The following DISC1 variants were observed in gnomAD, a reference collection of about 807,000 sequenced individuals.
The protein encoded by DISC1 is DISC1 scaffold protein, also known as disrupted in schizophrenia 1 protein.
A neutral mutation model predicts 84.5 loss-of-function variants in DISC1; 57 were observed. The ratio of observed to expected loss-of-function variants is 0.67; its 90% CI spans 0.55 to 0.84. The LOEUF is 0.84. Ranked by LOEUF, DISC1 falls within the 40% of genes least tolerant of loss-of-function variation. The pLI, the probability that DISC1 is intolerant of heterozygous loss-of-function variation, is 0.00. For synonymous variants in DISC1, 411 were observed against 415.2 expected, an observed-to-expected ratio of 0.99 and a Z score of 0.12; for missense variants, 1,000 against 1,057.8, an observed-to-expected ratio of 0.95 and a Z score of 0.76.
At chr1:231,996,699 C>T (rs1468985802) in intron 10 of DISC1, among the ~76,000 whole-genome samples, 5 of 152,126 alleles carry the variant, frequency 3.3e-5, no homozygotes, top group Non-Finnish European at 5.9e-5. Flanking sequence ...CATAGAAAAA[C>T]ACTAACATGC....
intron 9 of DISC1, among the ~76,000 whole-genome samples, chr1:231,907,518 A>T (rs2088832778): frequency 6.6e-6 from 1 of 152,028 alleles, no homozygotes; most frequent in Non-Finnish European, 1.5e-5. Flanking sequence ...ATCCTTTTTT[A>T]TGGCTGCATA....
At chr1:231,768,901 TG>T (rs2076356378) in intron 5 of DISC1, among the ~76,000 whole-genome samples, 3 of 152,162 alleles carry the variant, frequency 2.0e-5, no homozygotes, top group Admixed American at 6.5e-5. Context: ...GAGTAGGCCT[TG>T]CAGAAATTTC....
intron 3 of DISC1, chr1:231,723,745 A>T: frequency 1.0e-6 from 1 of 985,438 alleles, no homozygotes; most frequent in Non-Finnish European, 1.2e-6. Context: ...AGACTTCTGC[A>T]GCCACTGGGA....
rs187266358 is a variant in DISC1, at chr1:231,630,270, T to A, written c.67+3336T>A. Among the ~76,000 whole-genome samples the A allele has an allele frequency of 6.6e-6, 1 of 152,186 alleles. No homozygotes were observed. The highest frequency in any genetic ancestry group is 1.9e-4 in the East Asian group (1 of 5,174). On this transcript the variant is annotated intron_variant, in intron 1 of 12. Coordinates refer to ENST00000439617, the MANE Select transcript of DISC1 (RefSeq NM_018662.3). The surrounding 1 kb of genome is among the most constrained non-coding windows in gnomAD (Gnocchi z 4.4). ...AAGACCAGCACACAAAGTTTCTGAG[T>A]ACAAAAAAAGGTAATATTTTAGGTT... is the stretch of plus-strand genomic sequence containing the variant.
At chr1:231,650,754 T>C (rs2125281006) in intron 1 of DISC1, among the ~76,000 whole-genome samples, 1 of 152,318 alleles carries the variant, frequency 6.6e-6, no homozygotes, top group South Asian at 2.1e-4. Context: ...GGAGGCTTTA[T>C]TTGTTTCTTT....
intron 4 of DISC1, among the ~76,000 whole-genome samples, chr1:231,751,862 C>G (rs1404540135): frequency 6.6e-6 from 1 of 152,212 alleles, no homozygotes; most frequent in Non-Finnish European, 1.5e-5. Context: ...TTTGCTCATT[C>G]ATTCATTAAA....
At chr1:231,926,735 G>A (rs1469662026) in intron 9 of DISC1, among the ~76,000 whole-genome samples, 1 of 152,192 alleles carries the variant, frequency 6.6e-6, no homozygotes, top group African/African-American at 2.4e-5. Context: ...CAAAAGAGAA[G>A]GGAAGCTCCT....
chr1:231,995,837 G>A lies in DISC1; in HGVS notation c.2043-12948G>A, dbSNP rs369309253. On this transcript the variant is annotated intron_variant, in intron 10 of 12. Coordinates refer to ENST00000439617, the MANE Select transcript of DISC1 (RefSeq NM_018662.3). ...TGTCTTTATAGCAGCATGATTTATAGTCCTTTGGGTATATACCCAGTAATG... is the reference window on the plus strand; with the variant it reads ...TGTCTTTATAGCAGCATGATTTATAATCCTTTGGGTATATACCCAGTAATG... Among the ~76,000 whole-genome samples the A allele has an allele frequency of 4.2e-3, 632 of 151,238 alleles. 3 individuals are homozygous for A. The highest frequency in any genetic ancestry group is 0.015 in the African/African-American group (614 of 41,150).
At chr1:231,916,394 G>A (rs2089621623) in intron 9 of DISC1, among the ~76,000 whole-genome samples, 1 of 152,086 alleles carries the variant, frequency 6.6e-6, no homozygotes, top group African/African-American at 2.4e-5. Flanking sequence ...GTTCCGAAGA[G>A]CTGTAATCCC....
At chr1:232,030,548 G>C (rs2806465) in intron 12 of DISC1, among the ~76,000 whole-genome samples, 91,181 of 151,942 alleles carry the variant, frequency 0.6, 27,924 homozygotes, top group African/African-American at 0.73. Context: ...TGTTTCTCTG[G>C]TTATTTGGAG....
intron 3 of DISC1, among the ~76,000 whole-genome samples, chr1:231,714,381 T>C (rs959446082): frequency 7.2e-5 from 11 of 152,186 alleles, no homozygotes; most frequent in African/African-American, 2.7e-4. Flanking sequence ...CTGGGGCAAC[T>C]GGATTTTCAC....
At chr1:231,931,581 A>G (rs181767206) in intron 9 of DISC1, among the ~76,000 whole-genome samples, 1 of 152,126 alleles carries the variant, frequency 6.6e-6, no homozygotes, top group East Asian at 1.9e-4. Flanking sequence ...TGCTGTTCTG[A>G]CACATGATGA....
chr1:231,827,494 T>C (rs2081942553), intron 9 of DISC1, among the ~76,000 whole-genome samples: 1 of 152,232 alleles, frequency 6.6e-6, no homozygotes, highest in Admixed American at 6.5e-5. Flanking sequence ...GAGTTATGGC[T>C]TCCTGTACAC....
At chr1:232,001,661 A>T (rs939957775) in intron 10 of DISC1, among the ~76,000 whole-genome samples, 1 of 152,218 alleles carries the variant, frequency 6.6e-6, no homozygotes, top group African/African-American at 2.4e-5. Context: ...TAACAAATGG[A>T]GCTGGAGCTA....
chr1:231,746,768 T>C (rs1400996734), intron 3 of DISC1, among the ~76,000 whole-genome samples: 1 of 152,206 alleles, frequency 6.6e-6, no homozygotes, highest in African/African-American at 2.4e-5. Context: ...TTTTGAGAAA[T>C]GTCTGTTCGG....
intron 10 of DISC1, among the ~76,000 whole-genome samples, chr1:231,963,971 T>C (rs1660746857): frequency 6.6e-6 from 1 of 152,176 alleles, no homozygotes; most frequent in Non-Finnish European, 1.5e-5. Context: ...AATCTATAGA[T>C]AACATAACCG....
At chr1:231,801,987 T>A (rs985844114) in intron 8 of DISC1, among the ~76,000 whole-genome samples, 3 of 151,870 alleles carry the variant, frequency 2.0e-5, no homozygotes, top group African/African-American at 7.2e-5. Flanking sequence ...CCCGGCTAAT[T>A]TTTTGTATTT....
chr1:231,654,669 C>T lies in DISC1; in HGVS notation c.67+27735C>T, dbSNP rs116776277. Among the ~76,000 whole-genome samples the T allele has an allele frequency of 3.0e-3, 455 of 152,230 alleles. 1 individual carries two copies. The highest frequency in any genetic ancestry group is 1.0e-2 in the African/African-American group (414 of 41,538). ...TAACCACCATTCTATTCTCTACTTC[C>T]GACTTTTTTTAGATTACACCTGTAA... On this transcript the variant is annotated intron_variant, in intron 1 of 12. Transcript: ENST00000439617.
intron 10 of DISC1, among the ~76,000 whole-genome samples, chr1:231,987,274 A>G (rs190024068): frequency 6.8e-6 from 1 of 146,426 alleles, no homozygotes; most frequent in Non-Finnish European, 1.5e-5. Flanking sequence ...TCTAGGTTCT[A>G]CCTGCCCCTG....
Sources: gnomAD v4.1 joint callset for allele counts (sites outside exome capture counted in the v4.1 genomes callset) on GRCh38, gnomAD v4.1.1 for gene constraint, Gnocchi (gnomAD v3.1) non-coding constraint, MANE v1.5 for transcripts, NCBI Gene and HGNC (gene_info 2026-07-23, HGNC 2026-07-21) for gene names.